The following VWA8 variants were observed in gnomAD, a reference collection of about 807,000 sequenced individuals.
VWA8 encodes von Willebrand factor A domain-containing protein 8.
Under a neutral mutation model 241.5 loss-of-function variants are expected in VWA8, and 221 were observed. The observed-to-expected ratio is 0.91, with a 90% confidence interval of 0.82 to 1.02. VWA8 has a LOEUF of 1.02. VWA8 is among the 50% of genes least tolerant of loss of function. The probability of loss-of-function intolerance (pLI) is 0.00; values close to 1 mark genes in which losing one functional copy is unlikely to be tolerated. For synonymous variants in VWA8, 852 were observed against 827.1 expected (o/e 1.03, Z -0.52); for missense variants, 2,322 against 2,328.7 (o/e 1.00, Z 0.06).
At chr13:41,859,984 C>G (rs1183524261) in intron 12 of VWA8, among the ~76,000 whole-genome samples, 1 of 152,182 alleles carries the variant, frequency 6.6e-6, no homozygotes, top group Non-Finnish European at 1.5e-5. Context: ...TCAATGTGCA[C>G]TATATTATTA....
chr13:41,909,406 A>G (rs1875888468), intron 3 of VWA8, among the ~76,000 whole-genome samples: 1 of 152,234 alleles, frequency 6.6e-6, no homozygotes, highest in African/African-American at 2.4e-5. Context: ...GACTAGTGGC[A>G]AAGATGTGGT....
intron 3 of VWA8, among the ~76,000 whole-genome samples, chr13:41,909,150 T>G (rs1875875192): frequency 1.3e-5 from 2 of 151,976 alleles, no homozygotes. Context: ...CTTCCCAGGT[T>G]CAAGCAATTC....
chr13:41,940,725 A>G (rs1431493455), intron 2 of VWA8, among the ~76,000 whole-genome samples: 1 of 152,216 alleles, frequency 6.6e-6, no homozygotes, highest in East Asian at 1.9e-4. Context: ...TCTTATTTCA[A>G]GTTCATCAAC....
intron 37 of VWA8, among the ~76,000 whole-genome samples, chr13:41,647,971 G>A (rs1416433967): frequency 1.3e-5 from 2 of 152,000 alleles, no homozygotes; most frequent in African/African-American, 2.4e-5. Context: ...CCTGGGCGAA[G>A]GAGCGAGACT....
intron 18 of VWA8, 83 bp downstream of exon 18, chr13:41,787,352 ATT>A: frequency 8.8e-7 from 1 of 1,140,616 alleles, no homozygotes; most frequent in East Asian, 2.5e-5. Flanking sequence ...TTAACTGTTT[ATT>A]TTAACTGGAA....
intron 21 of VWA8, among the ~76,000 whole-genome samples, chr13:41,755,147 C>T (rs2045685437): frequency 6.6e-6 from 1 of 151,904 alleles, no homozygotes; most frequent in Non-Finnish European, 1.5e-5. Flanking sequence ...TTGCTGGATC[C>T]TATGGTAGCT....
At chr13:41,750,197 G>A (rs2045644742) in intron 21 of VWA8, among the ~76,000 whole-genome samples, 1 of 152,042 alleles carries the variant, frequency 6.6e-6, no homozygotes, top group South Asian at 2.1e-4. Flanking sequence ...CACTTTGGGA[G>A]GCTGAGGCGG....
At chr13:41,810,136 G>C (rs550202270) in intron 17 of VWA8, among the ~76,000 whole-genome samples, 27 of 152,118 alleles carry the variant, frequency 1.8e-4, no homozygotes, top group Non-Finnish European at 3.8e-4. Context: ...GGGAACCCTT[G>C]TACACTGTGG....
chr13:41,839,194 T>C (rs551394038), intron 12 of VWA8, among the ~76,000 whole-genome samples: 160 of 152,320 alleles, frequency 1.1e-3, no homozygotes, highest in Admixed American at 1.8e-3. Context: ...CCATTCTAAC[T>C]GGCATGAGAT....
chr13:41,608,017 CACAAAT>C (rs1259488689), intron 39 of VWA8, among the ~76,000 whole-genome samples: 1 of 151,924 alleles, frequency 6.6e-6, no homozygotes, highest in Admixed American at 6.6e-5. Context: ...TAGGTGTATA[CACAAAT>C]ACAAACCTAT....
At chr13:41,654,104 T>G (rs971534176) in intron 37 of VWA8, among the ~76,000 whole-genome samples, 1 of 152,130 alleles carries the variant, frequency 6.6e-6, no homozygotes, top group East Asian at 1.9e-4. Flanking sequence ...CTCTGTTACC[T>G]TAGAATGCCA....
intron 35 of VWA8, among the ~76,000 whole-genome samples, chr13:41,682,161 A>C (rs1369177107): frequency 6.6e-6 from 1 of 152,184 alleles, no homozygotes; most frequent in Non-Finnish European, 1.5e-5. Context: ...GGTATTAGTA[A>C]AGGGATAGAC....
intron 37 of VWA8, among the ~76,000 whole-genome samples, chr13:41,623,278 A>T (rs2044669077): frequency 6.6e-6 from 1 of 152,208 alleles, no homozygotes; most frequent in South Asian, 2.1e-4. Context: ...TGTGTTAACA[A>T]GAGGATGGCA....
chr13:41,882,439 A>G (rs1393919701), intron 9 of VWA8, among the ~76,000 whole-genome samples: 1 of 152,128 alleles, frequency 6.6e-6, no homozygotes, highest in African/African-American at 2.4e-5. Flanking sequence ...GCACTTTGGG[A>G]GGCCAAGGCA....
chr13:41,866,837 G>C (rs1359880684), intron 10 of VWA8, among the ~76,000 whole-genome samples: 1 of 152,058 alleles, frequency 6.6e-6, no homozygotes, highest in Admixed American at 6.6e-5. Flanking sequence ...GTTTATCTTA[G>C]TTTACCACTG....
intron 9 of VWA8, among the ~76,000 whole-genome samples, chr13:41,881,688 GCC>G: frequency 2.7e-5 from 4 of 148,308 alleles, no homozygotes; most frequent in African/African-American, 2.5e-5. Context: ...GGGCAGAGGC[GCC>G]CCTCACCTCC....
intron 26 of VWA8, among the ~76,000 whole-genome samples, chr13:41,711,005 A>G (rs1421486544): frequency 1.3e-5 from 2 of 152,362 alleles, no homozygotes; most frequent in African/African-American, 4.8e-5. Context: ...CAAATTCAAA[A>G]GAGATGAAGC....
chr13:41,767,057 T>C (rs928226770), intron 20 of VWA8, among the ~76,000 whole-genome samples: 1 of 152,198 alleles, frequency 6.6e-6, no homozygotes, highest in African/African-American at 2.4e-5. Context: ...TTCTTGCATG[T>C]TCTCTGAAAC....
intron 37 of VWA8, among the ~76,000 whole-genome samples, chr13:41,656,690 G>A (rs1012546606): frequency 6.6e-6 from 1 of 152,116 alleles, no homozygotes; most frequent in African/African-American, 2.4e-5. Context: ...CATATATTAG[G>A]TAAGGATCAT....
Sources: allele counts gnomAD v4.1 joint callset (sites outside exome capture counted in the v4.1 genomes callset), GRCh38; gene constraint gnomAD v4.1.1; transcripts MANE v1.5; gene names NCBI Gene and HGNC (gene_info 2026-07-23, HGNC 2026-07-21).